Variants in NXPE2 observed in about 807,000 individuals in gnomAD.
NXPE2 encodes the protein neurexophilin and PC-esterase domain family member 2.
A neutral mutation model predicts 34.4 loss-of-function variants in NXPE2; 34 were observed. The ratio of observed to expected loss-of-function variants is 0.99; its 90% CI spans 0.75 to 1.31. NXPE2 has a LOEUF of 1.31. Ranked by LOEUF, NXPE2 falls within the 40% of genes most tolerant of loss-of-function variation. The pLI, the probability that NXPE2 is intolerant of heterozygous loss-of-function variation, is 0.00. For missense variants in NXPE2, 649 were observed against 672.5 expected (o/e 0.97, Z 0.39); for synonymous variants, 235 against 231.3 (o/e 1.02, Z -0.15).
At chr11:114,618,309 G>T in the NXPE2 span, among the ~76,000 whole-genome samples, 1 of 151,882 alleles carries the variant, frequency 6.6e-6, no homozygotes, top group Non-Finnish European at 1.5e-5. Flanking sequence ...GTTATCTGTT[G>T]GATAATAGGT....
chr11:114,790,174 T>C, the NXPE2 span, among the ~76,000 whole-genome samples: 5 of 152,150 alleles, frequency 3.3e-5, no homozygotes, highest in South Asian at 2.1e-4. Context: ...TAGGGCCTAA[T>C]AGGGCTCAGC....
chr11:114,521,966 C>A, the NXPE2 span: 1 of 1,601,934 alleles, frequency 6.2e-7, no homozygotes, highest in Non-Finnish European at 8.5e-7. Context: ...AGTATTTATC[C>A]CTTAGCAAAT....
chr11:114,731,365 T>C, the NXPE2 span, among the ~76,000 whole-genome samples: 150 of 152,356 alleles, frequency 9.8e-4, no homozygotes, highest in Admixed American at 8.2e-3. Flanking sequence ...AGAGACTGTA[T>C]GCTTGGGCAA....
At chr11:114,585,300 A>G in the NXPE2 span, among the ~76,000 whole-genome samples, 1 of 151,990 alleles carries the variant, frequency 6.6e-6, no homozygotes, top group Non-Finnish European at 1.5e-5. Context: ...ATAAAATGGT[A>G]TATTTCATTA....
the NXPE2 span, among the ~76,000 whole-genome samples, chr11:114,646,834 A>G: frequency 6.6e-6 from 1 of 152,240 alleles, no homozygotes; most frequent in Non-Finnish European, 1.5e-5. Context: ...GCAGGACCAT[A>G]TGTGATTCTC....
chr11:114,751,859 A>G, the NXPE2 span, among the ~76,000 whole-genome samples: 1 of 152,186 alleles, frequency 6.6e-6, no homozygotes, highest in Non-Finnish European at 1.5e-5. Flanking sequence ...GGGGGGTTAG[A>G]GTCAGAGAAG....
At chr11:114,512,616 C>G in the NXPE2 span, 1 of 152,780 alleles carries the variant, frequency 6.5e-6, no homozygotes. Context: ...TTCGGGAGAA[C>G]AAGGCTGTGA....
At chr11:114,697,580 C>T (rs1951281878) in intron 2 of NXPE2, among the ~76,000 whole-genome samples, 1 of 152,108 alleles carries the variant, frequency 6.6e-6, no homozygotes, top group African/African-American at 2.4e-5. Context: ...AGAACACAAC[C>T]CTTCAACTAA....
At chr11:114,637,865 A>T in the NXPE2 span, among the ~76,000 whole-genome samples, 4 of 152,154 alleles carry the variant, frequency 2.6e-5, no homozygotes, top group Non-Finnish European at 5.9e-5. Flanking sequence ...CTTTGAGGGT[A>T]ACCCGACCTT....
At chr11:114,794,068 G>T in the NXPE2 span, among the ~76,000 whole-genome samples, 19 of 152,112 alleles carry the variant, frequency 1.2e-4, no homozygotes, top group Non-Finnish European at 2.2e-4. Context: ...TCCTTCCCGT[G>T]ATCCCCCCAT....
chr11:114,799,200 A>ATCTT, the NXPE2 span, among the ~76,000 whole-genome samples: 1 of 150,734 alleles, frequency 6.6e-6, no homozygotes, highest in Admixed American at 6.7e-5. Context: ...AAGTTAGTCT[A>ATCTT]TCTTTAGGTT....
the NXPE2 span, among the ~76,000 whole-genome samples, chr11:114,721,838 T>C: frequency 6.6e-6 from 1 of 152,186 alleles, no homozygotes; most frequent in East Asian, 1.9e-4. Context: ...GGTCTCAGTC[T>C]GGAGCACGTG....
chr11:114,634,452 C>A, the NXPE2 span, among the ~76,000 whole-genome samples: 2,080 of 152,002 alleles, frequency 0.014, 38 homozygotes, highest in African/African-American at 0.047. Context: ...TGCTGTGCAG[C>A]AGCTCTTTAG....
At chr11:114,522,119 T>G in the NXPE2 span, 1 of 1,614,038 alleles carries the variant, frequency 6.2e-7, no homozygotes, top group Non-Finnish European at 8.5e-7. Context: ...GATAAGATAG[T>G]GAATATAACC....
intron 2 of NXPE2, among the ~76,000 whole-genome samples, chr11:114,697,476 T>C (rs2135558642): frequency 1.3e-5 from 2 of 152,342 alleles, no homozygotes; most frequent in East Asian, 3.9e-4. Flanking sequence ...TATGAGTGAA[T>C]AAATTTATGT....
the NXPE2 span, among the ~76,000 whole-genome samples, chr11:114,671,401 A>G: frequency 6.6e-6 from 1 of 152,038 alleles, no homozygotes; most frequent in African/African-American, 2.4e-5. Context: ...AAATTCCTCA[A>G]ATTTAATGAA....
the NXPE2 span, among the ~76,000 whole-genome samples, chr11:114,620,256 G>A: frequency 7.9e-5 from 12 of 151,520 alleles, no homozygotes; most frequent in Admixed American, 3.3e-4. Context: ...TTATTGCCTC[G>A]TGGGTAACTA....
chr11:114,563,993 C>T, the NXPE2 span, among the ~76,000 whole-genome samples: 1 of 152,056 alleles, frequency 6.6e-6, no homozygotes, highest in Admixed American at 6.6e-5. Context: ...TGAGAAAAGA[C>T]ACTGGCACAC....
the NXPE2 span, among the ~76,000 whole-genome samples, chr11:114,624,266 A>T: frequency 1.3e-5 from 2 of 151,852 alleles, no homozygotes; most frequent in Admixed American, 6.6e-5. Context: ...GTGGATAATA[A>T]ATATTGCCTC....
Sources: allele counts gnomAD v4.1 joint callset (sites outside exome capture counted in the v4.1 genomes callset), GRCh38; gene constraint gnomAD v4.1.1; transcripts MANE v1.5; gene names NCBI Gene and HGNC (gene_info 2026-07-23, HGNC 2026-07-21).